RNF213: variants seen among roughly 807,000 people sequenced by gnomAD.
The protein encoded by RNF213 is ring finger protein 213.
Under a neutral mutation model 514.4 loss-of-function variants are expected in RNF213, and 341 were observed. The observed-to-expected ratio is 0.66, with a 90% confidence interval of 0.61 to 0.73. The LOEUF is 0.73. RNF213 is among the 30% of genes least tolerant of loss of function. The probability of loss-of-function intolerance (pLI) is 0.00; values close to 1 mark genes in which losing one functional copy is unlikely to be tolerated. For missense variants in RNF213, 5,767 were observed against 6,615.6 expected (o/e 0.87, Z 4.45); for synonymous variants, 2,655 against 2,658.2 (o/e 1.00, Z 0.04).
intron 37 of RNF213, among the ~76,000 whole-genome samples, 193 bp downstream of exon 37, chr17:80,358,672 A>C (rs1038383772): frequency 1.3e-5 from 2 of 152,190 alleles, no homozygotes; most frequent in Admixed American, 1.3e-4. Context: ...GCACTTTGGG[A>C]GGCCGAGGCA....
At chr17:80,373,656 A>G (rs1415962361) in intron 49 of RNF213, among the ~76,000 whole-genome samples, 4 of 152,164 alleles carry the variant, frequency 2.6e-5, no homozygotes, top group African/African-American at 9.7e-5. Flanking sequence ...TCTGGCAGGC[A>G]GAGACAGGCA....
chr17:80,324,762 A>G (rs2046235852), intron 17 of RNF213, among the ~76,000 whole-genome samples: 1 of 152,182 alleles, frequency 6.6e-6, no homozygotes. Flanking sequence ...GGCAGCCAGA[A>G]GGAAGGAGGG....
At chr17:80,261,146 C>T (rs1303091171) in intron 1 of RNF213, among the ~76,000 whole-genome samples, 1 of 151,982 alleles carries the variant, frequency 6.6e-6, no homozygotes, top group Non-Finnish European at 1.5e-5. Flanking sequence ...AGCGGGCACG[C>T]CTGGGACCCC....
chr17:80,310,672 C>T (rs575055295), intron 14 of RNF213, among the ~76,000 whole-genome samples: 14 of 152,284 alleles, frequency 9.2e-5, no homozygotes, highest in African/African-American at 3.4e-4. Context: ...CCTGCCTCAG[C>T]CTCCCGAGTA....
Position 80,340,663 on chromosome 17 carries a change from C to T in RNF213, c.5989+307C>T, listed in dbSNP as rs145376191. 1,707 of 319,214 alleles carry T rather than the reference C, an allele frequency of 5.3e-3. 14 individuals are homozygous for T. Among genetic ancestry groups the T allele is most frequent in the African/African-American group, 0.028 (1,132 of 41,092 alleles). The allele number at this position is 319,214 out of a possible 1,614,324, so 19.8% of individuals were successfully genotyped here. On this transcript the variant is annotated intron_variant, in intron 26 of 67. Transcript: ENST00000582970. ...TGAGACAGAGTCTTGCTCTGTCACCCAGGCTGGAGTACAGTGGCGTGATCT... is the reference window on the plus strand; with the variant it reads ...TGAGACAGAGTCTTGCTCTGTCACCTAGGCTGGAGTACAGTGGCGTGATCT...
rs571820101 is a variant in RNF213 at position 80,304,187 on chromosome 17, A to T, written c.2211-2065A>T. The stretch of plus-strand genomic sequence containing the variant: ...TAGTATGCAGTGAACCTTTATTGAT[A>T]TGTTTTTCATAACTTCTGTTACTTC... On this transcript the variant is annotated intron_variant, in intron 11 of 67. Coordinates refer to ENST00000582970, the MANE Select transcript of RNF213 (RefSeq NM_001256071.3). Among the ~76,000 whole-genome samples, 66 of 152,128 alleles carry T rather than the reference A, an allele frequency of 4.3e-4. 1 individual carries two copies. Among genetic ancestry groups the T allele is most frequent in the African/African-American group, 1.3e-3 (55 of 41,498 alleles).
intron 15 of RNF213, 53 bp downstream of exon 15, chr17:80,313,220 T>A: frequency 6.2e-7 from 1 of 1,607,426 alleles, no homozygotes; most frequent in Non-Finnish European, 8.5e-7. Context: ...TCGTGATTCC[T>A]CATGGCCTCA....
At chr17:80,352,834 G>A in intron 32 of RNF213, 106 bp from the exon 33 acceptor site, 2 of 1,552,494 alleles carry the variant, frequency 1.3e-6, no homozygotes. Flanking sequence ...GTCATTCATT[G>A]CGCAGCAAGA....
At chr17:80,357,416 C>T (rs572258312) in intron 36 of RNF213, among the ~76,000 whole-genome samples, 46 of 152,276 alleles carry the variant, frequency 3.0e-4, no homozygotes, top group African/African-American at 9.9e-4. Flanking sequence ...TCTATCCATC[C>T]ACCTGTCTAT....
Position 80,262,628 on chromosome 17 carries a change from A to G in RNF213, c.-108-946A>G, listed in dbSNP as rs573764810. On this transcript the variant is annotated intron_variant, in intron 1 of 67. Transcript: ENST00000582970. ...GTGTGGATTTCCTTTATAGCCTTTT[A>G]CAAAAGGATAGCTTCCCAGAACTCC... 3.3e-5 allele frequency among the ~76,000 whole-genome samples: 5 copies of G among 152,248 alleles called. No homozygotes were observed. The South Asian group carries it at 1.0e-3, about 32-fold the overall frequency.
At chr17:80,379,759 G>A (rs1207912231) in intron 55 of RNF213, 45 bp downstream of exon 55, 2 of 1,514,562 alleles carry the variant, frequency 1.3e-6, no homozygotes, top group Non-Finnish European at 1.8e-6. Context: ...AAACTTTGGG[G>A]TGTTGGGCTG....
intron 23 of RNF213, among the ~76,000 whole-genome samples, chr17:80,337,119 C>T (rs1036439047): frequency 6.6e-6 from 1 of 152,186 alleles, no homozygotes; most frequent in African/African-American, 2.4e-5. Flanking sequence ...ACAAAACCCT[C>T]TGTTGTGATT....
rs1337983550 is a variant in RNF213 at position 80,287,964 on chromosome 17, A to G, written c.411A>G (p.Gln137=). Residue 137 remains glutamine (Q), a synonymous_variant, in exon 4 of 68, where the codon CAA becomes CAG. Transcript: ENST00000582970. ...WPQDTALPHS[Q]AQQSGPTGQP... is the part of the protein sequence containing the mutation. Reference sequence around the variant, plus strand: ...AGGACACAGCCCTGCCCCACAGCCAAGCCCAGCAGAGTGGCCCCACTGGCC... The same window carrying G: ...AGGACACAGCCCTGCCCCACAGCCAGGCCCAGCAGAGTGGCCCCACTGGCC... 1 of 1,573,214 alleles carries G rather than the reference A, an allele frequency of 6.4e-7. No individual in the cohort carries two copies. Among genetic ancestry groups the G allele is most frequent in the Non-Finnish European group, 8.6e-7 (1 of 1,159,506 alleles).
In RNF213 at chr17:80,345,606, G is replaced by T. The variant is rs765247294; in HGVS notation, c.7271G>T (p.Cys2424Phe). 7 of 1,613,938 alleles carry T rather than the reference G, an allele frequency of 4.3e-6. No individual in the cohort carries two copies. The highest frequency in any genetic ancestry group is 5.9e-6 in the Non-Finnish European group (7 of 1,179,934). ...GTTATCATCATGGGAGAAACTGGCT[G>T]TGGGAAAACCAGGCTTATTAAATTC... ...IPVIIMGETG[C>F]GKTRLIKFLS... The change falls in exon 29 of 68, where the codon TGT becomes TTT. Residue 2424 changes from cysteine to phenylalanine, a missense_variant. Cys to Phe is a radical substitution (Grantham distance 205, BLOSUM62 -2). Around this residue, in one of 13 missense-constraint regions of RNF213, gnomAD observed 1,377 missense variants for 1,635.2 expected, o/e 0.84. Coordinates refer to ENST00000582970, the MANE Select transcript of RNF213 (RefSeq NM_001256071.3). This position sits in a 1 kb window ranked among gnomAD's most constrained non-coding sequence, Gnocchi z 6.0.
intron 18 of RNF213, among the ~76,000 whole-genome samples, chr17:80,326,051 C>T (rs376154998): frequency 6.6e-5 from 10 of 151,978 alleles, no homozygotes; most frequent in African/African-American, 1.7e-4. Flanking sequence ...CTCTGCCTCC[C>T]GGGTTCAAGC....
chr17:80,390,328 G>A (rs1474662303), intron 67 of RNF213, 132 bp downstream of exon 67: 5 of 1,044,214 alleles, frequency 4.8e-6, no homozygotes, highest in South Asian at 4.3e-5. Flanking sequence ...CATTACCAGG[G>A]CACCTGAGGA....
At chr17:80,305,176 G>A (rs894657451) in intron 11 of RNF213, among the ~76,000 whole-genome samples, 2 of 106,138 alleles carry the variant, frequency 1.9e-5, no homozygotes, top group African/African-American at 1.1e-4. Flanking sequence ...ACTGCACCCA[G>A]CAGTGAACTT....
At chr17:80,389,441 C>A in intron 65 of RNF213, 74 bp downstream of exon 65, 1 of 1,377,176 alleles carries the variant, frequency 7.3e-7, no homozygotes, top group Non-Finnish European at 1.0e-6. Context: ...GGGATAGGAG[C>A]ATTCAGGGAG....
At position 80,377,677 on chromosome 17, in the gene RNF213, GAGAGT is replaced by G; in HGVS notation, c.13511-80_13511-76del. 1 of 1,474,740 alleles carries G rather than the reference GAGAGT, an allele frequency of 6.8e-7. No individual in the cohort carries two copies. Among genetic ancestry groups the G allele is most frequent in the Non-Finnish European group, 9.5e-7 (1 of 1,052,796 alleles). 91.4% of individuals were successfully genotyped at this position (1,474,740 alleles called of 1,614,324 possible). ...CATTCTCATATTGTGGTCAGGGCCA[GAGAGT>G]AGAGAGTTAGCTTTCCCTTTTCAAT... is the stretch of plus-strand genomic sequence containing the variant. On this transcript the variant is annotated intron_variant, in intron 53 of 67. Transcript: ENST00000582970. This position sits in a 1 kb window ranked among gnomAD's most constrained non-coding sequence, Gnocchi z 4.1.
Sources: gnomAD v4.1 joint callset for allele counts (sites outside exome capture counted in the v4.1 genomes callset) on GRCh38, gnomAD v4.1.1 for gene constraint, gnomAD v4.1.1 regional missense constraint, Gnocchi (gnomAD v3.1) non-coding constraint, MANE v1.5 for transcripts, NCBI Gene and HGNC (gene_info 2026-07-23, HGNC 2026-07-21) for gene names.